Variants in TJP2 observed in about 807,000 individuals in gnomAD.
TJP2 encodes Friedreich ataxia region gene X104 (tight junction protein ZO-2).
TJP2 carries 91 observed loss-of-function variants against 133.1 expected under a neutral mutation model. That is an observed-to-expected ratio of 0.68 (90% CI 0.58 to 0.81). The LOEUF (loss-of-function observed/expected upper bound fraction) is 0.81, where lower values mean the gene tolerates loss of function less well. Ranked by LOEUF, TJP2 falls within the 40% of genes least tolerant of loss-of-function variation. The pLI, the probability that TJP2 is intolerant of heterozygous loss-of-function variation, is 0.00. For missense variants in TJP2, 1,541 were observed against 1,565.6 expected (o/e 0.98, Z 0.26); for synonymous variants, 592 against 583.4 (o/e 1.01, Z -0.21).
At chr9:69,228,504 CTAAAA>C (rs1174891851) in intron 9 of TJP2, among the ~76,000 whole-genome samples, 2 of 151,814 alleles carry the variant, frequency 1.3e-5, no homozygotes, top group Non-Finnish European at 2.9e-5. Context: ...CCCACTGAAC[CTAAAA>C]TAAAAGTTGA....
intron 1 of TJP2, among the ~76,000 whole-genome samples, chr9:69,185,222 C>T (rs576821952): frequency 7.9e-5 from 12 of 152,238 alleles, no homozygotes; most frequent in Admixed American, 1.3e-4. Flanking sequence ...CCACCACACC[C>T]GGCTAATTTT....
chr9:69,254,955 A>G lies in TJP2; in HGVS notation c.*581A>G, dbSNP rs981836183. 2 of 264,326 alleles carry G rather than the reference A, an allele frequency of 7.6e-6. No individual in the cohort carries two copies. The highest frequency in any genetic ancestry group is 4.8e-5 in the Admixed American group (1 of 20,964). The allele number at this position is 264,326 out of a possible 1,614,324, so 16.4% of individuals were successfully genotyped here. ...GCTGTAGTTTTCCCTGCACTGTGTCATCTTTTCAAGGCATTTGTCTTTGTA... is the reference window on the plus strand; with the variant it reads ...GCTGTAGTTTTCCCTGCACTGTGTCGTCTTTTCAAGGCATTTGTCTTTGTA... On this transcript the variant is annotated 3_prime_UTR_variant, in exon 23 of 23. Coordinates refer to ENST00000377245, the MANE Select transcript of TJP2 (RefSeq NM_004817.4).
chr9:69,249,927 G>GC (rs1451915395), intron 20 of TJP2, among the ~76,000 whole-genome samples: 1 of 152,104 alleles, frequency 6.6e-6, no homozygotes, highest in Non-Finnish European at 1.5e-5. Context: ...TGCTTACAAT[G>GC]CCTCTCATTA....
chr9:69,216,306 G>T (rs545689900), intron 2 of TJP2, 33 bp from the exon 3 acceptor site: 1 of 1,613,754 alleles, frequency 6.2e-7, no homozygotes, highest in African/African-American at 1.3e-5. Context: ...ACTTATTGAA[G>T]GATTTTTAAT....
At chr9:69,207,417 T>C (rs1827519791) in intron 1 of TJP2, among the ~76,000 whole-genome samples, 1 of 152,198 alleles carries the variant, frequency 6.6e-6, no homozygotes, top group Non-Finnish European at 1.5e-5. Context: ...AGTAAAACAT[T>C]GTATTTTAAT....
chr9:69,205,863 G>T (rs1827359906), intron 1 of TJP2, among the ~76,000 whole-genome samples: 1 of 152,118 alleles, frequency 6.6e-6, no homozygotes, highest in South Asian at 2.1e-4. Context: ...ACTTTGGGCA[G>T]TGAACACTTC....
chr9:69,157,251 T>G (rs921302794), intron 2 of TJP2, among the ~76,000 whole-genome samples: 34 of 152,332 alleles, frequency 2.2e-4, no homozygotes, highest in African/African-American at 7.0e-4. Flanking sequence ...TAGTTGGTGC[T>G]GTGCTAAACA....
At chr9:69,137,231 T>C (rs1674299954) in intron 1 of TJP2, among the ~76,000 whole-genome samples, 1 of 47,572 alleles carries the variant, frequency 2.1e-5, no homozygotes, top group Admixed American at 2.2e-4. Flanking sequence ...CTTTCCTTCT[T>C]TCTTTCTTTC....
At chr9:69,213,341 G>A (rs1828086338) in intron 2 of TJP2, among the ~76,000 whole-genome samples, 1 of 152,166 alleles carries the variant, frequency 6.6e-6, no homozygotes, top group Non-Finnish European at 1.5e-5. Context: ...GGTTGCAGGC[G>A]TGAGCCACCG....
At chr9:69,192,945 G>A (rs1048807044) in intron 1 of TJP2, among the ~76,000 whole-genome samples, 3 of 119,504 alleles carry the variant, frequency 2.5e-5, no homozygotes, top group African/African-American at 9.9e-5. Context: ...TTTTTGAGAT[G>A]TGGTCTCACT....
At chr9:69,158,821 C>T (rs946507085) in intron 2 of TJP2, among the ~76,000 whole-genome samples, 1 of 152,122 alleles carries the variant, frequency 6.6e-6, no homozygotes, top group Non-Finnish European at 1.5e-5. Flanking sequence ...CTAGTTCTGG[C>T]TGGAATGGGG....
At chr9:69,164,974 C>G (rs1466323545) in intron 2 of TJP2, among the ~76,000 whole-genome samples, 1 of 152,148 alleles carries the variant, frequency 6.6e-6, no homozygotes. Context: ...GGATTACAGG[C>G]GCCCATCATT....
chr9:69,186,408 C>T (rs987064624), intron 1 of TJP2, among the ~76,000 whole-genome samples: 8 of 152,214 alleles, frequency 5.3e-5, no homozygotes, highest in African/African-American at 1.9e-4. Context: ...TAACCAGTGA[C>T]TATTTCAGCC....
chr9:69,224,547 G>T (rs571751037), intron 5 of TJP2, among the ~76,000 whole-genome samples: 31 of 152,132 alleles, frequency 2.0e-4, no homozygotes, highest in African/African-American at 7.5e-4. Flanking sequence ...CATGGTGGTG[G>T]GCACCTGTAA....
intron 1 of TJP2, among the ~76,000 whole-genome samples, chr9:69,184,929 TTG>T (rs1825752822): frequency 1.3e-5 from 2 of 152,160 alleles, no homozygotes; most frequent in African/African-American, 4.8e-5. Flanking sequence ...TTTAAATATT[TTG>T]TAGAGATGAG....
At chr9:69,243,926 TA>T (rs11299107) in intron 17 of TJP2, among the ~76,000 whole-genome samples, 99,790 of 151,898 alleles carry the variant, frequency 0.66, 32,802 homozygotes, top group Admixed American at 0.69. Flanking sequence ...CTCACGCCTG[TA>T]AATCCCAGCA....
intron 2 of TJP2, among the ~76,000 whole-genome samples, chr9:69,158,898 T>C (rs954040646): frequency 2.0e-5 from 3 of 152,248 alleles, no homozygotes; most frequent in Non-Finnish European, 4.4e-5. Flanking sequence ...GACAAAACTT[T>C]TCAGTTCAGT....
intron 1 of TJP2, among the ~76,000 whole-genome samples, chr9:69,180,785 CCTGGTTTCTGCGTTACCCTTCTGCAGT>C (rs1450075399): frequency 4.6e-5 from 7 of 152,218 alleles, no homozygotes; most frequent in Non-Finnish European, 1.0e-4. Context: ...GTTTTAGCAG[CCTGGTTTCTGCGTTACCCTTCTGCAGT>C]CTGGCTGAAT....
chr9:69,170,491 C>T (rs1338565516), upstream of TJP2, among the ~76,000 whole-genome samples: 1 of 152,146 alleles, frequency 6.6e-6, no homozygotes, highest in African/African-American at 2.4e-5. Context: ...CATCATTGGA[C>T]ATTGGTGGTT....
Sources: gnomAD v4.1 joint callset for allele counts (sites outside exome capture counted in the v4.1 genomes callset) on GRCh38, gnomAD v4.1.1 for gene constraint, MANE v1.5 for transcripts, NCBI Gene and HGNC (gene_info 2026-07-23, HGNC 2026-07-21) for gene names.